Variants in SPRED2 observed in about 807,000 individuals in gnomAD.
SPRED2 encodes sprouty related EVH1 domain containing 2, also known as sprouty-related, EVH1 domain-containing protein 2.
SPRED2 carries 47 observed loss-of-function variants against 43.0 expected under a neutral mutation model. The ratio of observed to expected loss-of-function variants is 1.09; its 90% confidence interval spans 0.87 to 1.40. The LOEUF is 1.40. Ranked by LOEUF, SPRED2 falls within the 40% of genes most tolerant of loss-of-function variation. SPRED2 has a pLI of 0.00. For synonymous variants in SPRED2, 225 were observed against 225.7 expected, an observed-to-expected ratio of 1.00 and a Z score of 0.03; for missense variants, 561 against 586.4, an observed-to-expected ratio of 0.96 and a Z score of 0.45.
chr2:65,392,175 CTTTTTTTT>C (rs70943649), intron 1 of SPRED2, among the ~76,000 whole-genome samples: 4 of 98,726 alleles, frequency 4.1e-5, no homozygotes, highest in Non-Finnish European at 8.3e-5. Flanking sequence ...TCCAGAATTT[CTTTTTTTT>C]TTTTTTTTTT....
intron 1 of SPRED2, among the ~76,000 whole-genome samples, chr2:65,383,298 G>A (rs1675420461): frequency 6.6e-6 from 1 of 152,176 alleles, no homozygotes; most frequent in Non-Finnish European, 1.5e-5. Context: ...TGAGCACCAA[G>A]TTCACTCTAG....
At chr2:65,325,758 T>C (rs1463941474) in intron 4 of SPRED2, among the ~76,000 whole-genome samples, 1 of 152,172 alleles carries the variant, frequency 6.6e-6, no homozygotes, top group Non-Finnish European at 1.5e-5. Flanking sequence ...CTGGTCAACA[T>C]GGTGAAACCC....
chr2:65,349,681 C>T (rs982791031), intron 1 of SPRED2, among the ~76,000 whole-genome samples: 12 of 152,204 alleles, frequency 7.9e-5, no homozygotes, highest in Middle Eastern at 3.2e-3. Context: ...GTGCCATAAA[C>T]TTATTTCCAA....
At chr2:65,404,986 G>A (rs988657933) in intron 1 of SPRED2, among the ~76,000 whole-genome samples, 9 of 152,140 alleles carry the variant, frequency 5.9e-5, no homozygotes, top group African/African-American at 2.2e-4. Context: ...ACTACATCTG[G>A]CAAGGTGTTT....
At chr2:65,407,688 C>G (rs992008139) in intron 1 of SPRED2, among the ~76,000 whole-genome samples, 1 of 152,150 alleles carries the variant, frequency 6.6e-6, no homozygotes, top group African/African-American at 2.4e-5. Context: ...GATCACTTGT[C>G]CTTTCACCCG....
At chr2:65,403,916 C>A (rs1324348926) in intron 1 of SPRED2, among the ~76,000 whole-genome samples, 2 of 152,136 alleles carry the variant, frequency 1.3e-5, no homozygotes. Context: ...TAAAAAGGAA[C>A]ATTTGTGGCC....
chr2:65,362,871 A>AG (rs1279509342), intron 1 of SPRED2, among the ~76,000 whole-genome samples: 4 of 148,952 alleles, frequency 2.7e-5, no homozygotes, highest in African/African-American at 9.9e-5. Flanking sequence ...AAAAAAAAAG[A>AG]AAAGAAAAGA....
At chr2:65,318,662 A>AT (rs1323828650) in intron 4 of SPRED2, among the ~76,000 whole-genome samples, 1 of 151,828 alleles carries the variant, frequency 6.6e-6, no homozygotes, top group Admixed American at 6.6e-5. Flanking sequence ...TTATATATAT[A>AT]TTTTTAAATG....
Position 65,327,792 on chromosome 2 carries a change from C to T in SPRED2, c.438+4195G>A, listed in dbSNP as rs550154176. Among the ~76,000 whole-genome samples, 37 of 130,906 alleles carry T rather than the reference C, an allele frequency of 2.8e-4. No homozygotes were observed. In the Middle Eastern group the frequency reaches 0.014, roughly 50 times the overall value. 85.9% of individuals were successfully genotyped at this position (130,906 alleles called of 152,430 possible). On this transcript the variant is annotated intron_variant, in intron 4 of 5. Transcript: ENST00000356388. ...AGGCTGGAGTGCAATGGTGCGGTCT[C>T]GGCTCACTGCAACCTCCGCCTTCCA...
chr2:65,323,442 G>A (rs551163032), intron 4 of SPRED2, among the ~76,000 whole-genome samples: 1 of 152,074 alleles, frequency 6.6e-6, no homozygotes, highest in Non-Finnish European at 1.5e-5. Context: ...AGAAAGGAGA[G>A]AGTAAGAAAA....
intron 1 of SPRED2, among the ~76,000 whole-genome samples, chr2:65,382,789 T>C (rs1048597388): frequency 2.0e-5 from 3 of 152,258 alleles, no homozygotes; most frequent in Non-Finnish European, 2.9e-5. Context: ...TTTGCACTTT[T>C]AGTCAGTTCG....
At chr2:65,353,631 C>T (rs531519876) in intron 1 of SPRED2, among the ~76,000 whole-genome samples, 272 of 152,116 alleles carry the variant, frequency 1.8e-3, no homozygotes, top group Non-Finnish European at 3.4e-3. Context: ...AATTTTGGTT[C>T]GAAATATATG....
At chr2:65,421,233 T>C (rs540650569) in intron 1 of SPRED2, among the ~76,000 whole-genome samples, 2 of 152,282 alleles carry the variant, frequency 1.3e-5, no homozygotes, top group Admixed American at 6.5e-5. Context: ...CTGCTAAGAA[T>C]GGGGAGGGAC....
At chr2:65,417,905 T>C (rs1009939974) in intron 1 of SPRED2, among the ~76,000 whole-genome samples, 2 of 152,256 alleles carry the variant, frequency 1.3e-5, no homozygotes, top group African/African-American at 2.4e-5. Flanking sequence ...GTAACAATAC[T>C]GAAACCAAAC....
chr2:65,327,977 C>G (rs1263194097), intron 4 of SPRED2, among the ~76,000 whole-genome samples: 1 of 152,134 alleles, frequency 6.6e-6, no homozygotes, highest in East Asian at 1.9e-4. Flanking sequence ...CCACCTTGGC[C>G]TCCCAAAGTG....
Position 65,318,759 on chromosome 2 carries a change from G to A in SPRED2, c.439-1876C>T, listed in dbSNP as rs367640487. Among the ~76,000 whole-genome samples the A allele has an allele frequency of 6.2e-4, 94 of 152,144 alleles. 1 individual carries two copies. The East Asian group carries it at 0.01, about 16-fold the overall frequency. ...TGAACACAGCTCAAGTGATCCCCCTGCTTCAGCCTCCTGAGTAGCCGGGAC... is the reference window on the plus strand; with the variant it reads ...TGAACACAGCTCAAGTGATCCCCCTACTTCAGCCTCCTGAGTAGCCGGGAC... On this transcript the variant is annotated intron_variant, in intron 4 of 5. Transcript: ENST00000356388.
At chr2:65,308,614 TG>T (rs1672989130), downstream of SPRED2, 1 of 971,910 alleles carries the variant, frequency 1.0e-6, no homozygotes, top group African/African-American at 1.8e-5. Context: ...CTAGCATTTT[TG>T]GGGCACCTGC....
intron 2 of SPRED2, among the ~76,000 whole-genome samples, chr2:65,341,548 C>G (rs1674186262): frequency 6.6e-6 from 1 of 152,152 alleles, no homozygotes; most frequent in Non-Finnish European, 1.5e-5. Flanking sequence ...AACGCAGGCT[C>G]TGCTGGTGAC....
chr2:65,327,943 T>G (rs1195481621), intron 4 of SPRED2, among the ~76,000 whole-genome samples: 1 of 151,884 alleles, frequency 6.6e-6, no homozygotes, highest in Non-Finnish European at 1.5e-5. Context: ...AGGCTGGTCT[T>G]GAATTGCTGA....
Sources: allele counts gnomAD v4.1 joint callset (sites outside exome capture counted in the v4.1 genomes callset), GRCh38; gene constraint gnomAD v4.1.1; transcripts MANE v1.5; gene names NCBI Gene and HGNC (gene_info 2026-07-23, HGNC 2026-07-21).